Variants in MNAT1 observed in about 807,000 individuals in gnomAD.
The protein encoded by MNAT1 is MNAT1 component of CDK activating kinase.
In MNAT1, 43 loss-of-function variants were observed where a neutral mutation model predicts 42.0. The ratio of observed to expected loss-of-function variants is 1.02; its 90% CI spans 0.80 to 1.32. The LOEUF (loss-of-function observed/expected upper bound fraction) is 1.32. Ranked by LOEUF, MNAT1 falls within the 40% of genes most tolerant of loss-of-function variation. MNAT1 has a pLI of 0.00. For missense variants in MNAT1, 306 were observed against 350.4 expected (o/e 0.87, Z 1.01); for synonymous variants, 118 against 120.0 (o/e 0.98, Z 0.11).
chr14:60,794,106 T>C (rs1244818139), intron 1 of MNAT1, among the ~76,000 whole-genome samples: 2 of 152,196 alleles, frequency 1.3e-5, no homozygotes, highest in Non-Finnish European at 2.9e-5. Flanking sequence ...CCTTGAGATA[T>C]ATTAATGTTA....
intron 7 of MNAT1, among the ~76,000 whole-genome samples, chr14:60,948,240 G>A (rs560734743): frequency 2.0e-5 from 3 of 152,068 alleles, no homozygotes; most frequent in African/African-American, 4.8e-5. Flanking sequence ...AGAACACCCC[G>A]GGCAACTAAG....
intron 6 of MNAT1, among the ~76,000 whole-genome samples, chr14:60,856,467 T>C (rs1203722719): frequency 6.6e-6 from 1 of 152,226 alleles, no homozygotes; most frequent in Non-Finnish European, 1.5e-5. Flanking sequence ...TAAGGAAAGA[T>C]GCCATTTCTA....
intron 6 of MNAT1, among the ~76,000 whole-genome samples, chr14:60,874,317 C>G (rs1331624525): frequency 6.6e-6 from 1 of 152,104 alleles, no homozygotes; most frequent in Non-Finnish European, 1.5e-5. Context: ...ACCCTTCTTT[C>G]TCCATATTCC....
At position 60,822,122 on chromosome 14, in the gene MNAT1, C is replaced by G. The variant is rs188463399; in HGVS notation, c.687+3275C>G. Among the ~76,000 whole-genome samples, 136 of 152,160 alleles carry G rather than the reference C, an allele frequency of 8.9e-4. 1 individual carries two copies. Among genetic ancestry groups the G allele is most frequent in the Middle Eastern group, 6.8e-3 (2 of 294 alleles). ...TGAAATTTATATAACCTGGCTAGCC[C>G]TCTTAGATAGTCTTAGTGCTTTTCT... On this transcript the variant is annotated intron_variant, in intron 6 of 7. Coordinates refer to ENST00000261245, the MANE Select transcript of MNAT1 (RefSeq NM_002431.4).
Position 60,969,025 on chromosome 14 carries a change from G to A in MNAT1, c.*676G>A, listed in dbSNP as rs2036732737. The A allele has an allele frequency of 6.5e-6, 1 of 152,776 alleles. No individual in the cohort carries two copies. The highest frequency in any genetic ancestry group is 1.9e-4 in the East Asian group (1 of 5,196). The allele number at this position is 152,776 out of a possible 1,614,324, so 9.5% of individuals were successfully genotyped here. A position where few individuals can be genotyped will look rare whatever the true frequency, so the allele number is the denominator to read the frequency against. The stretch of plus-strand genomic sequence containing the variant: ...CAAAACCCAGCATTAACCTGCTTTA[G>A]TGACACATTCAAAGAAGTTAATAAA... On this transcript the variant is annotated 3_prime_UTR_variant, in exon 8 of 8. Transcript: ENST00000261245.
At chr14:60,864,777 C>CGGT (rs1267839411) in intron 6 of MNAT1, among the ~76,000 whole-genome samples, 2 of 151,668 alleles carry the variant, frequency 1.3e-5, no homozygotes, top group South Asian at 2.1e-4. Context: ...AGTGTGATAG[C>CGGT]GGTGGTGGTG....
intron 7 of MNAT1, among the ~76,000 whole-genome samples, chr14:60,901,904 A>G (rs1184537561): frequency 1.3e-5 from 2 of 152,218 alleles, no homozygotes; most frequent in Admixed American, 1.3e-4. Flanking sequence ...AAAGATTTAG[A>G]ATATTATATA....
At chr14:60,890,687 T>C (rs1318019374) in intron 7 of MNAT1, among the ~76,000 whole-genome samples, 2 of 152,214 alleles carry the variant, frequency 1.3e-5, no homozygotes, top group Non-Finnish European at 2.9e-5. Flanking sequence ...TGGAGTCCAA[T>C]GTTTGAGGAC....
chr14:60,844,326 A>G (rs937810226), intron 6 of MNAT1, among the ~76,000 whole-genome samples: 3 of 152,128 alleles, frequency 2.0e-5, no homozygotes, highest in Non-Finnish European at 2.9e-5. Context: ...GAGAATTAAG[A>G]TCTAAAATAC....
intron 6 of MNAT1, among the ~76,000 whole-genome samples, chr14:60,876,391 T>C (rs2034436864): frequency 6.6e-6 from 1 of 152,070 alleles, no homozygotes; most frequent in Admixed American, 6.6e-5. Flanking sequence ...GAAATTAGAA[T>C]ATCCAAAACT....
intron 7 of MNAT1, chr14:60,919,490 CT>C: frequency 6.5e-6 from 1 of 153,732 alleles, no homozygotes. Context: ...ATTGCTGCGT[CT>C]TTTTGGTGAG....
In MNAT1 at chr14:60,832,392, A is replaced by G. The variant is rs781421581; in HGVS notation, c.687+13545A>G. ...AAGGGATCCAGTTTCAGTTTTCTGC[A>G]TATGGCTAGCCAGTTTTCCTGGCAC... On this transcript the variant is annotated intron_variant, in intron 6 of 7. Coordinates refer to ENST00000261245, the MANE Select transcript of MNAT1 (RefSeq NM_002431.4). Among the ~76,000 whole-genome samples, 190 of 152,244 alleles carry G rather than the reference A, an allele frequency of 1.2e-3. 6 individuals carry two copies. Among genetic ancestry groups the G allele is most frequent in the Non-Finnish European group, 2.4e-4 (16 of 68,044 alleles).
chr14:60,944,412 C>G (rs761375622), intron 7 of MNAT1, among the ~76,000 whole-genome samples: 1 of 152,214 alleles, frequency 6.6e-6, no homozygotes, highest in Non-Finnish European at 1.5e-5. Flanking sequence ...CTTGCTGTCT[C>G]TCTGCCACGT....
At chr14:60,906,966 AC>A (rs4151347) in intron 7 of MNAT1, among the ~76,000 whole-genome samples, 3,484 of 151,880 alleles carry the variant, frequency 0.023, 147 homozygotes, top group African/African-American at 0.08. Flanking sequence ...CCACCTTTCC[AC>A]CCCCCAACCC....
intron 6 of MNAT1, among the ~76,000 whole-genome samples, chr14:60,856,546 T>C (rs990516291): frequency 1.3e-5 from 2 of 152,048 alleles, no homozygotes; most frequent in Admixed American, 6.5e-5. Context: ...TACTGAAAGA[T>C]GATGCCATCT....
chr14:60,879,692 A>C, intron 6 of MNAT1, 22 bp from the exon 7 acceptor site: 8 of 1,597,000 alleles, frequency 5.0e-6, no homozygotes, highest in Non-Finnish European at 6.8e-6. Context: ...AGAGGTATTA[A>C]GTTCCTTCAT....
In MNAT1 at chr14:60,848,979, A is replaced by G. The variant is rs146011601; in HGVS notation, c.687+30132A>G. The stretch of plus-strand genomic sequence containing the variant: ...TTTGGGCTAGAGTTCCCCACTGAGT[A>G]TCTAATTTTGTTGCCTTATTCTTTT... On this transcript the variant is annotated intron_variant, in intron 6 of 7. Transcript: ENST00000261245. 5.1e-3 allele frequency among the ~76,000 whole-genome samples: 775 copies of G among 152,310 alleles called. 10 individuals carry two copies. Among genetic ancestry groups the G allele is most frequent in the African/African-American group, 0.017 (697 of 41,570 alleles).
chr14:60,771,540 T>C (rs1199699808), intron 1 of MNAT1, among the ~76,000 whole-genome samples: 2 of 152,218 alleles, frequency 1.3e-5, no homozygotes, highest in African/African-American at 4.8e-5. Context: ...TTCTGTATTC[T>C]AAACTCTGTA....
At chr14:60,801,816 A>G (rs987728063) in intron 3 of MNAT1, among the ~76,000 whole-genome samples, 25 of 152,178 alleles carry the variant, frequency 1.6e-4, no homozygotes, top group African/African-American at 6.0e-4. Flanking sequence ...CAGTAATCCC[A>G]CTTCTGGGTC....
Sources: allele counts gnomAD v4.1 joint callset (sites outside exome capture counted in the v4.1 genomes callset), GRCh38; gene constraint gnomAD v4.1.1; transcripts MANE v1.5; gene names NCBI Gene and HGNC (gene_info 2026-07-23, HGNC 2026-07-21).